CWC22: variants seen among roughly 807,000 people sequenced by gnomAD.
The protein encoded by CWC22 is pre-mRNA-splicing factor CWC22 homolog.
A neutral mutation model predicts 117.2 loss-of-function variants in CWC22; 53 were observed. The ratio of observed to expected loss-of-function variants is 0.45; its 90% CI spans 0.36 to 0.57. The LOEUF is 0.57. Among genes scored for constraint, CWC22 ranks in the 20% least tolerant of loss-of-function variants. The pLI is 0.00. For synonymous variants in CWC22, 360 were observed against 355.6 expected (o/e 1.01, Z -0.14); for missense variants, 980 against 1,068.8 (o/e 0.92, Z 1.16).
chr2:179,998,983 G>A (rs1309294847), intron 1 of CWC22, among the ~76,000 whole-genome samples: 2 of 152,132 alleles, frequency 1.3e-5, no homozygotes, highest in East Asian at 3.9e-4. Context: ...TCAATTTAGT[G>A]AGTTTTCTTC....
chr2:180,004,725 A>T (rs1466615504), intron 1 of CWC22, among the ~76,000 whole-genome samples: 1 of 151,414 alleles, frequency 6.6e-6, no homozygotes, highest in Non-Finnish European at 1.5e-5. Context: ...AACTTCTAAA[A>T]ATTCAGCAGC....
chr2:179,947,289 G>C (rs1217019383), intron 19 of CWC22, among the ~76,000 whole-genome samples: 1 of 152,138 alleles, frequency 6.6e-6, no homozygotes, highest in Non-Finnish European at 1.5e-5. Context: ...AAACAGCTCA[G>C]CTGAGCTGCA....
chr2:180,002,026 T>C (rs768356654), intron 1 of CWC22, among the ~76,000 whole-genome samples: 1 of 152,214 alleles, frequency 6.6e-6, no homozygotes, highest in Non-Finnish European at 1.5e-5. Context: ...TCCATCCCCA[T>C]AGCTTTAATT....
chr2:179,959,816 T>C (rs184820683), intron 13 of CWC22, among the ~76,000 whole-genome samples: 312 of 152,226 alleles, frequency 2.0e-3, no homozygotes, highest in African/African-American at 6.9e-3. Flanking sequence ...TGGTCTATTG[T>C]TGACTGAAAA....
rs78538891 is a variant in CWC22, at chr2:179,965,490, T to C, written c.1315+388A>G. 5.9e-3 allele frequency among the ~76,000 whole-genome samples: 903 copies of C among 152,348 alleles called. 12 individuals are homozygous for C. The highest frequency in any genetic ancestry group is 0.02 in the African/African-American group (847 of 41,582). ...GCCAAAATGAACAGCAAATATGCAGTCACTCTCATTTGTCACATTCCTGCC... is the reference window on the plus strand; with the variant it reads ...GCCAAAATGAACAGCAAATATGCAGCCACTCTCATTTGTCACATTCCTGCC... On this transcript the variant is annotated intron_variant, in intron 12 of 19. Coordinates refer to ENST00000410053, the MANE Select transcript of CWC22 (RefSeq NM_020943.3).
chr2:179,985,110 C>G (rs1226362526), intron 4 of CWC22, among the ~76,000 whole-genome samples: 1 of 151,874 alleles, frequency 6.6e-6, no homozygotes, highest in African/African-American at 2.4e-5. Context: ...AGAAATTTTA[C>G]CAAATTTCTG....
At chr2:179,949,129 A>C (rs553474390) in intron 19 of CWC22, among the ~76,000 whole-genome samples, 1 of 152,210 alleles carries the variant, frequency 6.6e-6, no homozygotes, top group South Asian at 2.1e-4. Context: ...GAGAAAGCAG[A>C]AACATTGAGA....
At position 180,007,145 on chromosome 2, in the gene CWC22, G is replaced by C. The variant is rs190808025; in HGVS notation, c.-392C>G. On this transcript the variant is annotated 5_prime_UTR_variant, in exon 1 of 20. Coordinates refer to ENST00000410053, the MANE Select transcript of CWC22 (RefSeq NM_020943.3). The stretch of plus-strand genomic sequence containing the variant: ...CCCGAGCACCGACGGTAGGAAGAAG[G>C]CGAATAGTGAAATATTTAAAAACTT... 6.6e-6 allele frequency: 1 copy of C among 152,332 alleles called. No individual in the cohort carries two copies. Among genetic ancestry groups the C allele is most frequent in the East Asian group, 1.9e-4 (1 of 5,190 alleles). 9.4% of individuals were successfully genotyped at this position (152,332 alleles called of 1,614,324 possible). A position where few individuals can be genotyped will look rare whatever the true frequency, so the allele number is the denominator to read the frequency against.
chr2:180,003,254 C>T (rs1482090587), intron 1 of CWC22, among the ~76,000 whole-genome samples: 1 of 152,208 alleles, frequency 6.6e-6, no homozygotes, highest in African/African-American at 2.4e-5. Context: ...CTTGAAAACA[C>T]TTCCTCATTG....
intron 4 of CWC22, among the ~76,000 whole-genome samples, chr2:179,984,257 C>T (rs3912258): frequency 0.66 from 100,257 of 151,830 alleles, 33,553 homozygotes; most frequent in Middle Eastern, 0.73. Context: ...TTAATAAACT[C>T]AAAGCCATTT....
At chr2:180,002,484 A>G (rs1300593710) in intron 1 of CWC22, among the ~76,000 whole-genome samples, 1 of 152,262 alleles carries the variant, frequency 6.6e-6, no homozygotes, top group East Asian at 1.9e-4. Flanking sequence ...AAAGAAGATG[A>G]AAAAAGAAAA....
intron 13 of CWC22, 42 bp downstream of exon 13, chr2:179,964,505 A>G (rs1441107663): frequency 8.0e-6 from 9 of 1,127,482 alleles, no homozygotes; most frequent in Non-Finnish European, 1.0e-5. Context: ...CCCATCCCTT[A>G]TCAAAAACAA....
intron 4 of CWC22, among the ~76,000 whole-genome samples, chr2:179,985,233 A>G (rs1475802453): frequency 6.6e-6 from 1 of 152,076 alleles, no homozygotes; most frequent in African/African-American, 2.4e-5. Context: ...CCCAAAGTCA[A>G]TTTCAAATGA....
chr2:179,946,467 G>T (rs1410235339), intron 19 of CWC22, among the ~76,000 whole-genome samples: 2 of 124,690 alleles, frequency 1.6e-5, no homozygotes, highest in African/African-American at 3.1e-5. Flanking sequence ...AAAAAAAAGG[G>T]GGGGGGGGAA....
chr2:179,969,862 T>C (rs1686988004), intron 11 of CWC22, among the ~76,000 whole-genome samples: 1 of 152,152 alleles, frequency 6.6e-6, no homozygotes, highest in East Asian at 1.9e-4. Context: ...TAGCTATCAT[T>C]GTAGGTGATA....
chr2:179,975,672 T>G (rs1687136149), intron 6 of CWC22, among the ~76,000 whole-genome samples: 1 of 151,960 alleles, frequency 6.6e-6, no homozygotes, highest in African/African-American at 2.4e-5. Context: ...AACATCCCAT[T>G]TACAATAGCT....
Position 179,988,692 on chromosome 2 carries a change from A to T in CWC22, c.28-48T>A, listed in dbSNP as rs951902712. ...AACATTTCAAAAATTATTTATGTTA[A>T]TAACACAGACTGAAATACATGGCTT... On this transcript the variant is annotated intron_variant, in intron 2 of 19. Transcript: ENST00000410053. The T allele has an allele frequency of 4.0e-6, 4 of 1,005,112 alleles. No individual in the cohort carries two copies. In the South Asian group the frequency reaches 6.7e-5, roughly 17 times the overall value. The allele number at this position is 1,005,112 out of a possible 1,614,324, so 62.3% of individuals were successfully genotyped here.
intron 5 of CWC22, among the ~76,000 whole-genome samples, chr2:179,980,315 T>C (rs1289575383): frequency 1.3e-5 from 2 of 152,222 alleles, no homozygotes; most frequent in African/African-American, 4.8e-5. Context: ...GAAAAACTTA[T>C]TAGTTTTGAA....
chr2:179,952,813 TTTCATTCTCTG>T lies in CWC22; in HGVS notation c.1690-226_1690-216del, dbSNP rs1575638019. ...AATGTTAAGATGCGACAGAAATAGA[TTTCATTCTCTG>T]TTTTGAGTAATGTGCTTTTTATAGC... On this transcript the variant is annotated intron_variant, in intron 16 of 19. Transcript: ENST00000410053. 2.6e-5 allele frequency among the ~76,000 whole-genome samples: 4 copies of T among 152,106 alleles called. No homozygotes were observed. In the East Asian group the frequency reaches 7.7e-4, roughly 29 times the overall value.
Sources: allele counts gnomAD v4.1 joint callset (sites outside exome capture counted in the v4.1 genomes callset), GRCh38; gene constraint gnomAD v4.1.1; transcripts MANE v1.5; gene names NCBI Gene and HGNC (gene_info 2026-07-23, HGNC 2026-07-21).